PLEKHG1: variants seen among roughly 807,000 people sequenced by gnomAD.
PLEKHG1 encodes the protein pleckstrin homology domain-containing family G member 1.
A neutral mutation model predicts 100.8 loss-of-function variants in PLEKHG1; 44 were observed. That is an observed-to-expected ratio of 0.44 (90% CI 0.34 to 0.56). The LOEUF (loss-of-function observed/expected upper bound fraction) is 0.56, where lower values mean the gene tolerates loss of function less well. PLEKHG1 is among the 20% of genes least tolerant of loss of function. The probability of loss-of-function intolerance (pLI) is 0.01; values close to 1 mark genes in which losing one functional copy is unlikely to be tolerated. For missense variants in PLEKHG1, 1,545 were observed against 1,720.9 expected (o/e 0.90, Z 1.81); for synonymous variants, 640 against 662.5 (o/e 0.97, Z 0.52).
At chr6:150,653,771 C>CT (rs1178318857) in intron 3 of PLEKHG1, among the ~76,000 whole-genome samples, 1 of 151,896 alleles carries the variant, frequency 6.6e-6, no homozygotes, top group Non-Finnish European at 1.5e-5. Context: ...TAAATATTTT[C>CT]TTTTTTAGAA....
chr6:150,786,532 A>G (rs1317890287), intron 4 of PLEKHG1, 73 bp downstream of exon 5: 1 of 987,990 alleles, frequency 1.0e-6, no homozygotes, highest in East Asian at 2.4e-5. Context: ...TAAAGTTAAA[A>G]TGACTGGTTT....
At chr6:150,614,252 C>T (rs1477796616) in intron 1 of PLEKHG1, among the ~76,000 whole-genome samples, 1 of 152,196 alleles carries the variant, frequency 6.6e-6, no homozygotes, top group Non-Finnish European at 1.5e-5. Flanking sequence ...TTGAACCTGA[C>T]TCTATTGCCT....
chr6:150,841,032 C>T (rs41289353), exon 16 of PLEKHG1: 5 of 752,242 alleles, frequency 6.6e-6, no homozygotes, highest in Admixed American at 4.0e-5. Flanking sequence ...CTTTCTTTTA[C>T]AGCACAACTT....
At position 150,600,045 on chromosome 6, in the gene PLEKHG1, T is replaced by C. The variant is rs2128547709; in HGVS notation, c.-204+28T>C. 9.9e-6 allele frequency: 2 copies of C among 201,320 alleles called. No individual in the cohort carries two copies. The highest frequency in any genetic ancestry group is 5.0e-5 in the South Asian group (1 of 20,038). 12.5% of individuals were successfully genotyped at this position (201,320 alleles called of 1,614,324 possible). ...AAGCGCCGGTCGGGCCCGGACGCCC[T>C]GGGGACTTTTCCAGGGATGGGAGGG... is the stretch of plus-strand genomic sequence containing the variant. On this transcript the variant is annotated intron_variant, in intron 1 of 3. Coordinates refer to the PLEKHG1 transcript ENST00000367326. This position sits in a 1 kb window ranked among gnomAD's most constrained non-coding sequence, Gnocchi z 6.2.
chr6:150,614,682 C>T (rs781690281), intron 1 of PLEKHG1, among the ~76,000 whole-genome samples: 1 of 152,160 alleles, frequency 6.6e-6, no homozygotes, highest in Non-Finnish European at 1.5e-5. Context: ...CTGGCTCTCC[C>T]TCACTCTCCC....
chr6:150,721,654 C>G (rs970288740), intron 1 of PLEKHG1, among the ~76,000 whole-genome samples: 9 of 152,132 alleles, frequency 5.9e-5, no homozygotes, highest in African/African-American at 1.9e-4. Context: ...TGCTTAGCAA[C>G]TGCAGTGATG....
intron 1 of PLEKHG1, among the ~76,000 whole-genome samples, chr6:150,619,402 C>T (rs922557971): frequency 6.6e-6 from 1 of 152,236 alleles, no homozygotes; most frequent in African/African-American, 2.4e-5. Context: ...AAGCATTCTT[C>T]ATCCTTGTGT....
At chr6:150,810,500 GAAAGAAAGAAAGAAA>G (rs1185170534) in intron 10 of PLEKHG1, among the ~76,000 whole-genome samples, 60 of 76,084 alleles carry the variant, frequency 7.9e-4, no homozygotes, top group Non-Finnish European at 1.0e-3. Flanking sequence ...AGGAAGGAGG[GAAAGAAAGAAAGAAA>G]AAGAAAGAAA....
At chr6:150,813,995 T>C (rs1787704838) in intron 10 of PLEKHG1, among the ~76,000 whole-genome samples, 2 of 152,172 alleles carry the variant, frequency 1.3e-5, no homozygotes, top group South Asian at 2.1e-4. Context: ...TTTTGTTCTC[T>C]GTATATTTTG....
intron 10 of PLEKHG1, among the ~76,000 whole-genome samples, chr6:150,816,217 A>G (rs1315925664): frequency 6.6e-6 from 1 of 150,786 alleles, no homozygotes. Flanking sequence ...CTTCACAAAG[A>G]TAGGATGTTG....
At chr6:150,792,921 A>G (rs981039018) in intron 4 of PLEKHG1, among the ~76,000 whole-genome samples, 5 of 152,214 alleles carry the variant, frequency 3.3e-5, no homozygotes, top group Admixed American at 3.3e-4. Flanking sequence ...AGGCCAGGTC[A>G]TGAATGCTCA....
chr6:150,817,706 C>T (rs1041251539), intron 10 of PLEKHG1, among the ~76,000 whole-genome samples: 7 of 151,852 alleles, frequency 4.6e-5, no homozygotes, highest in East Asian at 3.9e-4. Context: ...TACAGGCACC[C>T]GCCACCATGC....
At chr6:150,830,618 G>A (rs1776861054) in exon 15 of PLEKHG1, 1 of 1,610,090 alleles carries the variant, frequency 6.2e-7, no homozygotes, top group East Asian at 2.2e-5. Context: ...GCTGTCTTCA[G>A]CAAGGCCGTC....
chr6:150,625,174 T>C (rs1158587482), intron 1 of PLEKHG1, among the ~76,000 whole-genome samples: 1 of 152,010 alleles, frequency 6.6e-6, no homozygotes, highest in East Asian at 1.9e-4. Context: ...TTAAAAACTA[T>C]AAAATAAGTT....
At chr6:150,751,489 C>T (rs1562486974) in intron 2 of PLEKHG1, among the ~76,000 whole-genome samples, 2 of 152,194 alleles carry the variant, frequency 1.3e-5, no homozygotes, top group Non-Finnish European at 2.9e-5. Context: ...CCACCAGCCT[C>T]AGCCCTCAAA....
upstream of PLEKHG1, among the ~76,000 whole-genome samples, chr6:150,716,830 T>C (rs1177483483): frequency 7.2e-6 from 1 of 139,022 alleles, no homozygotes; most frequent in East Asian, 2.1e-4. Context: ...TTCCAGGCCC[T>C]ATGGCAGACT....
At chr6:150,792,172 C>T (rs1267625124) in intron 4 of PLEKHG1, among the ~76,000 whole-genome samples, 1 of 152,076 alleles carries the variant, frequency 6.6e-6, no homozygotes, top group Non-Finnish European at 1.5e-5. Flanking sequence ...TCCTGGCCAA[C>T]ATGGAGAAAC....
At chr6:150,783,247 G>T (rs1480935674) in intron 3 of PLEKHG1, among the ~76,000 whole-genome samples, 3 of 151,368 alleles carry the variant, frequency 2.0e-5, no homozygotes, top group Non-Finnish European at 4.4e-5. Flanking sequence ...GGAAGATAGA[G>T]AGTAGAAGAG....
chr6:150,761,911 C>T (rs1784179956), intron 2 of PLEKHG1, among the ~76,000 whole-genome samples: 1 of 152,190 alleles, frequency 6.6e-6, no homozygotes. Flanking sequence ...AGAAAGCTCA[C>T]AGCTCTCCCC....
Sources: allele counts gnomAD v4.1 joint callset (sites outside exome capture counted in the v4.1 genomes callset), GRCh38; gene constraint gnomAD v4.1.1; non-coding constraint Gnocchi (gnomAD v3.1); transcripts MANE v1.5; gene names NCBI Gene and HGNC (gene_info 2026-07-23, HGNC 2026-07-21).